The following PCDHA6 variants were observed in gnomAD, a reference collection of about 807,000 sequenced individuals.
The protein encoded by PCDHA6 is protocadherin alpha-6.
PCDHA6 carries 55 observed loss-of-function variants against 60.3 expected under a neutral mutation model. The ratio of observed to expected loss-of-function variants is 0.91; its 90% CI spans 0.73 to 1.14. The LOEUF (loss-of-function observed/expected upper bound fraction) is 1.14, where lower values mean the gene tolerates loss of function less well. Ranked by LOEUF, PCDHA6 falls within the 50% of genes most tolerant of loss-of-function variation. The pLI, the probability that PCDHA6 is intolerant of heterozygous loss-of-function variation, is 0.00. For missense variants in PCDHA6, 1,327 were observed against 1,256.5 expected (o/e 1.06, Z -0.85); for synonymous variants, 652 against 557.9 (o/e 1.17, Z -2.38).
intron 1 of PCDHA6, chr5:140,929,538 A>C: frequency 3.3e-6 from 2 of 603,382 alleles, no homozygotes; most frequent in Non-Finnish European, 5.1e-6. Context: ...TTGAGAAACA[A>C]GGGCAAAAAT....
At chr5:140,916,606 C>A (rs561641984) in intron 1 of PCDHA6, among the ~76,000 whole-genome samples, 1 of 152,168 alleles carries the variant, frequency 6.6e-6, no homozygotes, top group African/African-American at 2.4e-5. Context: ...GGAATGCGGG[C>A]CTCATGACTC....
intron 1 of PCDHA6, chr5:140,863,573 C>T (rs2048075555): frequency 5.4e-6 from 2 of 367,848 alleles, no homozygotes; most frequent in South Asian, 4.3e-5. Flanking sequence ...AATATAAGTA[C>T]TGTAATCCTG....
rs2150283562 is a variant in PCDHA6, at chr5:140,838,076, TA to T, written c.2394+7592del. 8.0e-3 allele frequency among the ~76,000 whole-genome samples: 249 copies of T among 31,136 alleles called. 2 individuals are homozygous for T. The highest frequency in any genetic ancestry group is 0.023 in the African/African-American group (97 of 4,194). The allele number at this position is 31,136 out of a possible 152,430, so 20.4% of individuals were successfully genotyped here. On this transcript the variant is annotated intron_variant, in intron 1 of 3. Transcript: ENST00000529310. ...TTTTCCACTTTAAGTTATATATATA[TA>T]GTGTGTGTGTGTGTGTGTGTGTGTG... is the stretch of plus-strand genomic sequence containing the variant.
intron 1 of PCDHA6, chr5:140,871,068 G>GC (rs782196824): frequency 1.2e-6 from 2 of 1,613,112 alleles, no homozygotes; most frequent in African/African-American, 2.7e-5. Flanking sequence ...ATCACGGTGA[G>GC]CCGGCGCTGA....
At chr5:140,892,980 G>T (rs568292110) in intron 1 of PCDHA6, among the ~76,000 whole-genome samples, 192 of 152,148 alleles carry the variant, frequency 1.3e-3, no homozygotes, top group African/African-American at 4.5e-3. Flanking sequence ...TGTAGCTGCC[G>T]TATAAGTGAG....
intron 1 of PCDHA6, among the ~76,000 whole-genome samples, chr5:140,939,804 G>A (rs2092463605): frequency 6.6e-6 from 1 of 152,140 alleles, no homozygotes; most frequent in Non-Finnish European, 1.5e-5. Flanking sequence ...TGTTCTGCAT[G>A]TTCAAGAAAA....
intron 1 of PCDHA6, among the ~76,000 whole-genome samples, chr5:140,936,458 G>A (rs963270336): frequency 2.6e-5 from 4 of 152,046 alleles, no homozygotes; most frequent in Non-Finnish European, 4.4e-5. Flanking sequence ...TCTGTTTAGT[G>A]GTTGCTGTAG....
intron 1 of PCDHA6, among the ~76,000 whole-genome samples, chr5:140,872,414 C>T (rs138959813): frequency 1.3e-5 from 2 of 152,128 alleles, no homozygotes; most frequent in East Asian, 1.9e-4. Context: ...ATTGCTTGAG[C>T]CCAAGAGTTC....
intron 1 of PCDHA6, among the ~76,000 whole-genome samples, chr5:140,964,965 G>GA (rs1296818132): frequency 6.6e-6 from 1 of 152,204 alleles, no homozygotes; most frequent in Non-Finnish European, 1.5e-5. Context: ...TTGGTGGAAC[G>GA]AAGGGATGTG....
intron 1 of PCDHA6, among the ~76,000 whole-genome samples, chr5:140,944,988 G>A (rs1554216650): frequency 6.6e-6 from 1 of 152,048 alleles, no homozygotes; most frequent in Non-Finnish European, 1.5e-5. Flanking sequence ...GTCTACTTCT[G>A]TAACGGTTGT....
intron 1 of PCDHA6, chr5:140,857,395 C>T (rs1554149953): frequency 6.3e-7 from 1 of 1,598,586 alleles, no homozygotes; most frequent in South Asian, 1.1e-5. Context: ...ACGTGAACGA[C>T]AACGCGCCTG....
chr5:140,915,504 T>C (rs1554196920), intron 1 of PCDHA6, among the ~76,000 whole-genome samples: 1 of 152,136 alleles, frequency 6.6e-6, no homozygotes, highest in Non-Finnish European at 1.5e-5. Context: ...AATACTGTGG[T>C]TTTTGCAGAC....
intron 1 of PCDHA6, among the ~76,000 whole-genome samples, chr5:140,903,212 A>C (rs1387552422): frequency 6.6e-6 from 1 of 152,192 alleles, no homozygotes; most frequent in African/African-American, 2.4e-5. Flanking sequence ...CACCACATTC[A>C]TGCCAACATC....
intron 3 of PCDHA6, among the ~76,000 whole-genome samples, chr5:141,008,922 G>A (rs34518527): frequency 0.052 from 7,924 of 152,178 alleles, 248 homozygotes; most frequent in South Asian, 0.11. Flanking sequence ...AATTTATTCA[G>A]CTAATTTTTC....
chr5:141,001,461 C>G (rs2098019350), intron 3 of PCDHA6, among the ~76,000 whole-genome samples: 1 of 152,214 alleles, frequency 6.6e-6, no homozygotes, highest in South Asian at 2.1e-4. Context: ...AATTGAAGGA[C>G]TAAGCAGCAG....
chr5:140,876,087 G>A, intron 1 of PCDHA6: 4 of 1,613,922 alleles, frequency 2.5e-6, no homozygotes, highest in Non-Finnish European at 2.5e-6. Context: ...GAGAGCAAAC[G>A]CCAAAACTCA....
chr5:140,845,835 C>T (rs917105315), intron 1 of PCDHA6, among the ~76,000 whole-genome samples: 3 of 149,588 alleles, frequency 2.0e-5, no homozygotes, highest in Non-Finnish European at 4.5e-5. Flanking sequence ...TATTACCATT[C>T]TTAAGAGAAA....
At chr5:140,850,669 C>A in intron 1 of PCDHA6, 1 of 1,598,502 alleles carries the variant, frequency 6.3e-7, no homozygotes, top group South Asian at 1.1e-5. Flanking sequence ...CGGTGCTCGG[C>A]GATGCCCACC....
chr5:140,914,724 G>A (rs923867157), intron 1 of PCDHA6, among the ~76,000 whole-genome samples: 1 of 150,732 alleles, frequency 6.6e-6, no homozygotes, highest in Non-Finnish European at 1.5e-5. Flanking sequence ...TTTATTTTTT[G>A]TGTATCCATT....
Sources: allele counts gnomAD v4.1 joint callset (sites outside exome capture counted in the v4.1 genomes callset), GRCh38; gene constraint gnomAD v4.1.1; transcripts MANE v1.5; gene names NCBI Gene and HGNC (gene_info 2026-07-23, HGNC 2026-07-21).